Variants in MAP4K3 observed in about 807,000 individuals in gnomAD.
MAP4K3 encodes the protein MAPK/ERK kinase kinase kinase 3.
Under a neutral mutation model 143.5 loss-of-function variants are expected in MAP4K3, and 94 were observed. That is an observed-to-expected ratio of 0.65 (90% confidence interval 0.55 to 0.78). MAP4K3 has a LOEUF of 0.78. Ranked by LOEUF, MAP4K3 falls within the 30% of genes least tolerant of loss-of-function variation. The pLI, the probability that MAP4K3 is intolerant of heterozygous loss-of-function variation, is 0.00. For missense variants in MAP4K3, 1,077 were observed against 1,068.1 expected (o/e 1.01, Z -0.12); for synonymous variants, 416 against 347.2 (o/e 1.20, Z -2.20).
At chr2:39,425,304 G>C (rs1053978472) in intron 1 of MAP4K3, among the ~76,000 whole-genome samples, 4 of 152,148 alleles carry the variant, frequency 2.6e-5, no homozygotes, top group African/African-American at 9.7e-5. Flanking sequence ...GAACAATTAA[G>C]TATGCAACAA....
chr2:39,304,703 T>C (rs1219200181), intron 15 of MAP4K3, among the ~76,000 whole-genome samples: 3 of 152,168 alleles, frequency 2.0e-5, no homozygotes, highest in South Asian at 2.1e-4. Context: ...AGTCCATTTC[T>C]AGTTACATAT....
At chr2:39,301,894 C>T (rs976973178) in intron 15 of MAP4K3, among the ~76,000 whole-genome samples, 6 of 151,720 alleles carry the variant, frequency 4.0e-5, no homozygotes, top group African/African-American at 1.2e-4. Flanking sequence ...CGTGGTGGCT[C>T]GCGCCTGTAG....
chr2:39,395,549 G>T (rs1392692750), intron 1 of MAP4K3, among the ~76,000 whole-genome samples: 2 of 152,048 alleles, frequency 1.3e-5, no homozygotes, highest in African/African-American at 2.4e-5. Context: ...TCACTATTAG[G>T]GTAAGCTAAT....
intron 8 of MAP4K3, 115 bp from the exon 9 acceptor site, chr2:39,326,392 T>G: frequency 8.8e-7 from 1 of 1,138,236 alleles, no homozygotes; most frequent in Non-Finnish European, 1.3e-6. Context: ...TAGGCCTTGG[T>G]TTTTGAAAAA....
intron 2 of MAP4K3, among the ~76,000 whole-genome samples, chr2:39,375,916 G>C (rs1666205487): frequency 6.6e-6 from 1 of 152,146 alleles, no homozygotes; most frequent in Admixed American, 6.5e-5. Flanking sequence ...TCAGCAACTT[G>C]TTTTTATTGT....
chr2:39,351,531 T>C (rs1665458221), intron 3 of MAP4K3, among the ~76,000 whole-genome samples: 1 of 152,242 alleles, frequency 6.6e-6, no homozygotes, highest in Non-Finnish European at 1.5e-5. Context: ...GATATCTTTC[T>C]GTGGAAATCA....
In MAP4K3 at chr2:39,309,460, C is replaced by T. The variant is rs1682859125; in HGVS notation, c.1056+1G>A. 6.3e-7 allele frequency: 1 copy of T among 1,578,144 alleles called. No individual in the cohort carries two copies. ...TAACATTCTAAGGCTATACTACTTA[C>T]AAGTTCATGATGTGGTTCTGTCTCC... On this transcript the variant is annotated splice_donor_variant, in intron 14 of 33. Coordinates refer to ENST00000263881, the MANE Select transcript of MAP4K3 (RefSeq NM_003618.4). LOFTEE classifies it high-confidence loss of function.
At chr2:39,388,022 AT>A (rs940638885) in intron 1 of MAP4K3, among the ~76,000 whole-genome samples, 10 of 152,242 alleles carry the variant, frequency 6.6e-5, no homozygotes, top group African/African-American at 2.4e-4. Context: ...CATATCAGTA[AT>A]TTGTATTTCA....
At chr2:39,378,820 A>G (rs1197144143) in intron 1 of MAP4K3, among the ~76,000 whole-genome samples, 1 of 151,888 alleles carries the variant, frequency 6.6e-6, no homozygotes, top group East Asian at 1.9e-4. Context: ...CCTGGCATTT[A>G]CAACTGTATA....
At position 39,250,493 on chromosome 2, in the gene MAP4K3, C is replaced by T; in HGVS notation, c.*125G>A. On this transcript the variant is annotated 3_prime_UTR_variant, in exon 34 of 34. Coordinates refer to ENST00000263881, the MANE Select transcript of MAP4K3 (RefSeq NM_003618.4). Reference sequence around the variant, plus strand: ...AAAATTTTCCCCATCTTATCTCATGCCACAATAAATTACAAAGTAACTGAA... The same window carrying T: ...AAAATTTTCCCCATCTTATCTCATGTCACAATAAATTACAAAGTAACTGAA... The T allele has an allele frequency of 4.5e-6, 4 of 894,862 alleles. No homozygotes were observed. Among genetic ancestry groups the T allele is most frequent in the Non-Finnish European group, 6.6e-6 (4 of 602,882 alleles). 55.4% of individuals were successfully genotyped at this position (894,862 alleles called of 1,614,324 possible). A position where few individuals can be genotyped will look rare whatever the true frequency, so the allele number is the denominator to read the frequency against.
rs757047944 is a variant in MAP4K3, at chr2:39,278,496, A to C, written c.1715-10T>G. 2.7e-6 allele frequency: 4 copies of C among 1,485,184 alleles called. No individual in the cohort carries two copies. The highest frequency in any genetic ancestry group is 3.7e-6 in the Non-Finnish European group (4 of 1,083,638). 92.0% of individuals were successfully genotyped at this position (1,485,184 alleles called of 1,614,324 possible). ...AATATCAAGTACTGATCTGAAATAA[A>C]AGTAATTCACTGACTGATTTTGGTA... On this transcript the variant is annotated splice_polypyrimidine_tract_variant and intron_variant, in intron 23 of 33. Transcript: ENST00000263881.
intron 1 of MAP4K3, among the ~76,000 whole-genome samples, chr2:39,432,068 C>T (rs984494246): frequency 2.0e-5 from 3 of 152,182 alleles, no homozygotes; most frequent in Non-Finnish European, 4.4e-5. Context: ...ATAGCAGGTA[C>T]ACATTTTATG....
rs775818518 is a variant in MAP4K3 at position 39,280,268 on chromosome 2, C to T, written c.1714+4G>A. On this transcript the variant is annotated splice_donor_region_variant and intron_variant, in intron 23 of 33. Transcript: ENST00000263881. ...AGATAACAGATAAAAACACACAATA[C>T]TACCTCTTGTATCTGGGTTTATCCA... is the stretch of plus-strand genomic sequence containing the variant. 1.5e-5 allele frequency: 23 copies of T among 1,533,766 alleles called. No homozygotes were observed. In the East Asian group the frequency reaches 3.2e-4, roughly 21 times the overall value.
In MAP4K3 at chr2:39,315,511, T is replaced by G. The variant is rs544720641; in HGVS notation, c.919-123A>C. ...GTAAAAATGAAAGCAAAACAGCACT[T>G]TGCAAATTTTTTTTTTTTAAAAAAG... is the stretch of plus-strand genomic sequence containing the variant. On this transcript the variant is annotated intron_variant, in intron 12 of 33. Coordinates refer to ENST00000263881, the MANE Select transcript of MAP4K3 (RefSeq NM_003618.4). 17 of 537,828 alleles carry G rather than the reference T, an allele frequency of 3.2e-5. No individual in the cohort carries two copies. In the Admixed American group the frequency reaches 8.3e-4, roughly 26 times the overall value. The allele number at this position is 537,828 out of a possible 1,614,324, so 33.3% of individuals were successfully genotyped here.
At chr2:39,431,163 C>A (rs920035570) in intron 1 of MAP4K3, among the ~76,000 whole-genome samples, 2 of 152,152 alleles carry the variant, frequency 1.3e-5, no homozygotes, top group Non-Finnish European at 2.9e-5. Context: ...AAGAGTCCAA[C>A]TGAATTTTTT....
intron 1 of MAP4K3, among the ~76,000 whole-genome samples, chr2:39,381,000 C>A (rs1049723566): frequency 6.6e-6 from 1 of 152,184 alleles, no homozygotes; most frequent in Admixed American, 6.5e-5. Flanking sequence ...TCCCTGGCAA[C>A]CACTAATCTA....
At chr2:39,290,177 C>T in intron 19 of MAP4K3, 115 bp downstream of exon 19, 1 of 645,730 alleles carries the variant, frequency 1.5e-6, no homozygotes, top group Non-Finnish European at 2.5e-6. Context: ...CTTATATCAA[C>T]TTCATGATTT....
chr2:39,398,846 C>T (rs962518444), intron 1 of MAP4K3, among the ~76,000 whole-genome samples: 23 of 150,984 alleles, frequency 1.5e-4, no homozygotes, highest in African/African-American at 5.3e-4. Flanking sequence ...AGTTCAAGAC[C>T]AGCCTGGCCA....
intron 31 of MAP4K3, among the ~76,000 whole-genome samples, chr2:39,257,994 C>G (rs533775958): frequency 6.6e-6 from 1 of 151,852 alleles, no homozygotes; most frequent in Non-Finnish European, 1.5e-5. Flanking sequence ...TGCAATGGTG[C>G]GATCTCAACT....
Sources: gnomAD v4.1 joint callset for allele counts (sites outside exome capture counted in the v4.1 genomes callset) on GRCh38, gnomAD v4.1.1 for gene constraint, MANE v1.5 for transcripts, NCBI Gene and HGNC (gene_info 2026-07-23, HGNC 2026-07-21) for gene names.